STRN: variants seen among roughly 807,000 people sequenced by gnomAD.
STRN encodes the protein striatin.
STRN carries 53 observed loss-of-function variants against 96.3 expected under a neutral mutation model. The ratio of observed to expected loss-of-function variants is 0.55; its 90% CI spans 0.44 to 0.69. The LOEUF is 0.69. Ranked by LOEUF, STRN falls within the 30% of genes least tolerant of loss-of-function variation. The pLI, the probability that STRN is intolerant of heterozygous loss-of-function variation, is 0.00. For synonymous variants in STRN, 428 were observed against 355.9 expected (o/e 1.20, Z -2.28); for missense variants, 987 against 963.9 (o/e 1.02, Z -0.32).
chr2:36,883,913 G>A lies in STRN; in HGVS notation c.1186+19C>T. 7.5e-7 allele frequency: 1 copy of A among 1,330,698 alleles called. No individual in the cohort carries two copies. Among genetic ancestry groups the A allele is most frequent in the Non-Finnish European group, 9.7e-7 (1 of 1,031,624 alleles). The allele number at this position is 1,330,698 out of a possible 1,614,324, so 82.4% of individuals were successfully genotyped here. A position where few individuals can be genotyped will look rare whatever the true frequency, so the allele number is the denominator to read the frequency against. On this transcript the variant is annotated intron_variant, in intron 9 of 17. Coordinates refer to ENST00000263918, the MANE Select transcript of STRN (RefSeq NM_003162.4). ...ACATCCAAGTGCATTTTGTGCTCCA[G>A]AGTATCTTAAATACTTACCTTCATC...
intron 14 of STRN, among the ~76,000 whole-genome samples, chr2:36,857,651 C>T (rs143228604): frequency 6.6e-6 from 1 of 151,998 alleles, no homozygotes; most frequent in Non-Finnish European, 1.5e-5. Context: ...CAGAGTGATA[C>T]TCCGTCTCAA....
chr2:36,928,594 GT>G (rs1445913111), intron 1 of STRN, among the ~76,000 whole-genome samples: 1 of 151,080 alleles, frequency 6.6e-6, no homozygotes, highest in Non-Finnish European at 1.5e-5. Context: ...GGAGGTTGCA[GT>G]GTGCAGAGAT....
At chr2:36,919,349 G>A (rs1670188446) in intron 2 of STRN, among the ~76,000 whole-genome samples, 1 of 152,138 alleles carries the variant, frequency 6.6e-6, no homozygotes, top group Non-Finnish European at 1.5e-5. Context: ...CAAAACTGGT[G>A]TCAAAGAAAG....
intron 6 of STRN, among the ~76,000 whole-genome samples, chr2:36,894,394 C>A (rs1202258648): frequency 3.3e-5 from 5 of 152,012 alleles, no homozygotes; most frequent in Middle Eastern, 3.2e-3. Context: ...TATTTTTTTC[C>A]CTAAAATGTT....
chr2:36,900,971 T>C (rs1054115195), intron 5 of STRN, among the ~76,000 whole-genome samples: 3 of 151,664 alleles, frequency 2.0e-5, no homozygotes, highest in South Asian at 2.1e-4. Context: ...TCCAGTTCAT[T>C]AGGTAATCTT....
At chr2:36,878,431 C>T (rs1175447347) in intron 9 of STRN, among the ~76,000 whole-genome samples, 2 of 152,052 alleles carry the variant, frequency 1.3e-5, no homozygotes, top group Non-Finnish European at 2.9e-5. Context: ...AATTTTATAA[C>T]CTAGAAGAAT....
intron 1 of STRN, among the ~76,000 whole-genome samples, chr2:36,936,708 T>A (rs1035623057): frequency 6.6e-6 from 1 of 152,196 alleles, no homozygotes. Flanking sequence ...AACTTCTAAA[T>A]TAGAGAAAAT....
chr2:36,954,973 C>T (rs1401079860), intron 1 of STRN, among the ~76,000 whole-genome samples: 1 of 152,134 alleles, frequency 6.6e-6, no homozygotes, highest in Non-Finnish European at 1.5e-5. Context: ...CTGAGAAACA[C>T]AAATTGTTAA....
chr2:36,913,499 C>T (rs1670014408), intron 3 of STRN, among the ~76,000 whole-genome samples: 1 of 152,232 alleles, frequency 6.6e-6, no homozygotes, highest in South Asian at 2.1e-4. Flanking sequence ...TTAAACATCA[C>T]TTCCTCCAAG....
Position 36,846,622 on chromosome 2 carries a change from TCC to T in STRN, c.*2832_*2833del, listed in dbSNP as rs978452890. 1.2e-4 allele frequency: 18 copies of T among 151,296 alleles called. No homozygotes were observed. Among genetic ancestry groups the T allele is most frequent in the Non-Finnish European group, 2.4e-4 (16 of 67,816 alleles). 9.4% of individuals were successfully genotyped at this position (151,296 alleles called of 1,614,324 possible). The stretch of plus-strand genomic sequence containing the variant: ...TCATCATCAGTGATGCAGCTCAATT[TCC>T]CCCGTTTTAGTCATAACTAAAATGA... On this transcript the variant is annotated 3_prime_UTR_variant, in exon 18 of 18. Coordinates refer to ENST00000263918, the MANE Select transcript of STRN (RefSeq NM_003162.4).
intron 10 of STRN, among the ~76,000 whole-genome samples, chr2:36,876,215 G>A (rs1361312141): frequency 6.6e-6 from 1 of 151,634 alleles, no homozygotes; most frequent in Non-Finnish European, 1.5e-5. Context: ...AGGGTGCAGT[G>A]AGCTGAGATC....
intron 15 of STRN, among the ~76,000 whole-genome samples, chr2:36,853,821 A>G (rs906639299): frequency 6.6e-6 from 1 of 152,222 alleles, no homozygotes; most frequent in Non-Finnish European, 1.5e-5. Context: ...GTAAAACATA[A>G]TAAGAGACTA....
intron 8 of STRN, among the ~76,000 whole-genome samples, chr2:36,885,624 A>G (rs533271998): frequency 3.2e-4 from 49 of 152,138 alleles, no homozygotes; most frequent in Non-Finnish European, 5.4e-4. Context: ...TTTTTATCAA[A>G]TCAAGCTAAA....
At position 36,839,418 on chromosome 2, in the gene STRN, C is replaced by T. The variant is rs1667895459; in HGVS notation, c.*10038G>A. On this transcript the variant is annotated 3_prime_UTR_variant, in exon 18 of 18. Transcript: ENST00000263918. Reference sequence around the variant, plus strand: ...GTAGTCTTCTGCTACTCTTGATGTTCATTTTAACCTATTTCTCCTAAAACC... The same window carrying T: ...GTAGTCTTCTGCTACTCTTGATGTTTATTTTAACCTATTTCTCCTAAAACC... Among the ~76,000 whole-genome samples the T allele has an allele frequency of 6.6e-6, 1 of 152,186 alleles. No individual in the cohort carries two copies. The highest frequency in any genetic ancestry group is 2.4e-5 in the African/African-American group (1 of 41,456).
At chr2:36,886,877 ACTCTG>A in intron 7 of STRN, 51 bp from the exon 8 acceptor site, 1 of 1,437,318 alleles carries the variant, frequency 7.0e-7, no homozygotes, top group Non-Finnish European at 9.6e-7. Flanking sequence ...AATATTGAAC[ACTCTG>A]AGTCAGTATG....
chr2:36,867,926 C>A, intron 11 of STRN, 65 bp from the exon 12 acceptor site: 2 of 1,283,098 alleles, frequency 1.6e-6, no homozygotes, highest in South Asian at 1.5e-5. Flanking sequence ...AAACATATGT[C>A]ATAAAATTGT....
intron 16 of STRN, 56 bp from the exon 17 acceptor site, chr2:36,849,856 T>C (rs1479041217): frequency 1.3e-6 from 2 of 1,551,780 alleles, no homozygotes; most frequent in Admixed American, 1.7e-5. Flanking sequence ...CTTCAATATT[T>C]GCCAGCTACC....
chr2:36,891,288 A>T (rs1464125987), intron 7 of STRN, among the ~76,000 whole-genome samples: 1 of 152,210 alleles, frequency 6.6e-6, no homozygotes, highest in African/African-American at 2.4e-5. Flanking sequence ...GCGCTTTGGG[A>T]GGCCAAGGCA....
chr2:36,857,013 C>A (rs1402789066), intron 14 of STRN, among the ~76,000 whole-genome samples: 2 of 151,770 alleles, frequency 1.3e-5, no homozygotes, highest in Non-Finnish European at 1.5e-5. Context: ...ACCAATTAAA[C>A]CTTTTTTTTT....
Sources: gnomAD v4.1 joint callset for allele counts (sites outside exome capture counted in the v4.1 genomes callset) on GRCh38, gnomAD v4.1.1 for gene constraint, MANE v1.5 for transcripts, NCBI Gene and HGNC (gene_info 2026-07-23, HGNC 2026-07-21) for gene names.